RALGAPB: variants seen among roughly 807,000 people sequenced by gnomAD.
The protein encoded by RALGAPB is ral GTPase-activating protein subunit beta.
Under a neutral mutation model 161.1 loss-of-function variants are expected in RALGAPB, and 25 were observed. The ratio of observed to expected loss-of-function variants is 0.16; its 90% CI spans 0.11 to 0.22. The LOEUF (loss-of-function observed/expected upper bound fraction) is 0.22. Among genes scored for constraint, RALGAPB ranks in the 10% least tolerant of loss-of-function variants. The pLI, the probability that RALGAPB is intolerant of heterozygous loss-of-function variation, is 1.00. For synonymous variants in RALGAPB, 629 were observed against 626.1 expected (o/e 1.00, Z -0.07); for missense variants, 1,391 against 1,815.2 (o/e 0.77, Z 4.25).
At position 38,576,084 on chromosome 20, in the gene RALGAPB, T is replaced by C. The variant is rs1367491224; in HGVS notation, c.*1117T>C. 6.6e-6 allele frequency: 1 copy of C among 152,356 alleles called. No homozygotes were observed. The highest frequency in any genetic ancestry group is 1.5e-5 in the Non-Finnish European group (1 of 68,028). The allele number at this position is 152,356 out of a possible 1,614,324, so 9.4% of individuals were successfully genotyped here. A position where few individuals can be genotyped will look rare whatever the true frequency, so the allele number is the denominator to read the frequency against. On this transcript the variant is annotated 3_prime_UTR_variant, in exon 30 of 30. Transcript: ENST00000262879. ...TGCCAGCCAACAGATCCCTGCCAGG[T>C]TTTGGAAATACTTCTATTACCTCGC...
At chr20:38,477,798 C>T (rs1223060360) in intron 1 of RALGAPB, among the ~76,000 whole-genome samples, 1 of 152,130 alleles carries the variant, frequency 6.6e-6, no homozygotes, top group South Asian at 2.1e-4. Flanking sequence ...CAGGTATTCT[C>T]CCTGTTTTAC....
chr20:38,514,805 G>T (rs1436018822), intron 6 of RALGAPB, among the ~76,000 whole-genome samples: 1 of 152,214 alleles, frequency 6.6e-6, no homozygotes, highest in Non-Finnish European at 1.5e-5. Flanking sequence ...GTCTAATCTG[G>T]ATTTTTTAAC....
rs1160341072 is a variant in RALGAPB at position 38,480,373 on chromosome 20, TTTTC to T, written c.-31+7316_-31+7319del. ...AGTTTCCTTTCTTTTATGTATTTTC[TTTTC>T]TTTCTTTCTTTTTTTTTTTTTTTTT... On this transcript the variant is annotated intron_variant, in intron 1 of 29. Transcript: ENST00000262879. 3.4e-3 allele frequency among the ~76,000 whole-genome samples: 427 copies of T among 124,140 alleles called. 4 individuals carry two copies. The highest frequency in any genetic ancestry group is 4.2e-3 in the Middle Eastern group (1 of 240). The allele number at this position is 124,140 out of a possible 152,430, so 81.4% of individuals were successfully genotyped here.
At chr20:38,475,039 A>G (rs759759556) in intron 1 of RALGAPB, among the ~76,000 whole-genome samples, 1 of 152,272 alleles carries the variant, frequency 6.6e-6, no homozygotes, top group Non-Finnish European at 1.5e-5. Flanking sequence ...TACCAATTGC[A>G]AGGCACTCTG....
At position 38,575,389 on chromosome 20, in the gene RALGAPB, A is replaced by C. The variant is rs7275066; in HGVS notation, c.*422A>C. 1.5e-4 allele frequency: 25 copies of C among 171,628 alleles called. No homozygotes were observed. Among genetic ancestry groups the C allele is most frequent in the African/African-American group, 5.8e-4 (24 of 41,698 alleles). The allele number at this position is 171,628 out of a possible 1,614,324, so 10.6% of individuals were successfully genotyped here. A position where few individuals can be genotyped will look rare whatever the true frequency, so the allele number is the denominator to read the frequency against. On this transcript the variant is annotated 3_prime_UTR_variant, in exon 30 of 30. Coordinates refer to ENST00000262879, the MANE Select transcript of RALGAPB (RefSeq NM_020336.4). ...TTCAAAATTAAAATCTCAGAATCTT[A>C]CAGGACATTTAAAGACTCATGTTGA...
intron 21 of RALGAPB, 59 bp from the exon 22 acceptor site, chr20:38,553,808 A>C: frequency 1.2e-6 from 1 of 830,110 alleles, no homozygotes; most frequent in South Asian, 1.6e-5. Context: ...AAAACACTTA[A>C]GATTGGCCTT....
At chr20:38,546,890 G>C (rs2087184769) in intron 19 of RALGAPB, 1 of 156,834 alleles carries the variant, frequency 6.4e-6, no homozygotes. Flanking sequence ...ATCTTCCCAG[G>C]GACCCTTGAA....
At chr20:38,526,290 CCTTT>C (rs1042125310) in intron 13 of RALGAPB, among the ~76,000 whole-genome samples, 6 of 152,056 alleles carry the variant, frequency 3.9e-5, no homozygotes, top group African/African-American at 1.4e-4. Flanking sequence ...TCCCTTCTCT[CCTTT>C]CTCCACTCTT....
In RALGAPB at chr20:38,551,114, G is replaced by A; in HGVS notation, c.3053G>A (p.Gly1018Glu). ...EPRPVPKNDV[G>E]FKYSVKHRPF... ...CGCCCAGTTCCTAAAAATGACGTTG[G>A]ATTTAAATATTCTGTGAAACATCGG... Residue 1018 changes from glycine (G) to glutamate (E), a missense_variant, in exon 21 of 30, where the codon GGA (glycine) becomes GAA (glutamate). Coordinates refer to ENST00000262879, the MANE Select transcript of RALGAPB (RefSeq NM_020336.4). 1 of 1,613,964 alleles carries A rather than the reference G, an allele frequency of 6.2e-7. No individual in the cohort carries two copies.
rs376512385 is a variant in RALGAPB, at chr20:38,492,898, A to G, written c.187-32A>G. 3.0e-5 allele frequency: 46 copies of G among 1,536,266 alleles called. No individual in the cohort carries two copies. In the East Asian group the frequency reaches 3.4e-4, roughly 11 times the overall value. On this transcript the variant is annotated intron_variant, in intron 2 of 29. Coordinates refer to ENST00000262879, the MANE Select transcript of RALGAPB (RefSeq NM_020336.4). ...CAGTCTACTGAGATAGGAACGTGTAATAATTCTATATGGATATTTTCTTTT... is the reference window on the plus strand; with the variant it reads ...CAGTCTACTGAGATAGGAACGTGTAGTAATTCTATATGGATATTTTCTTTT...
chr20:38,498,776 A>T (rs1485296506), intron 4 of RALGAPB, among the ~76,000 whole-genome samples: 1 of 152,246 alleles, frequency 6.6e-6, no homozygotes, highest in Non-Finnish European at 1.5e-5. Context: ...ACAGGGGAAC[A>T]GCCCCATTTT....
chr20:38,503,279 A>G (rs2085649920), intron 5 of RALGAPB, among the ~76,000 whole-genome samples: 1 of 152,210 alleles, frequency 6.6e-6, no homozygotes, highest in Non-Finnish European at 1.5e-5. Flanking sequence ...CAAACATTAT[A>G]CATAGATTTT....
chr20:38,520,677 A>C (rs1169593705), intron 9 of RALGAPB, among the ~76,000 whole-genome samples: 1 of 152,060 alleles, frequency 6.6e-6, no homozygotes, highest in Non-Finnish European at 1.5e-5. Flanking sequence ...AGTTGCATAA[A>C]GATTTATGCT....
chr20:38,541,874 G>T (rs1005617190), intron 18 of RALGAPB, among the ~76,000 whole-genome samples: 1 of 152,168 alleles, frequency 6.6e-6, no homozygotes, highest in African/African-American at 2.4e-5. Context: ...CTGGGAGGAT[G>T]GGTCAAGTTT....
chr20:38,570,830 T>C lies in RALGAPB; in HGVS notation c.4125T>C (p.Asn1375=). The C allele has an allele frequency of 1.9e-6, 3 of 1,606,466 alleles. No individual in the cohort carries two copies. Among genetic ancestry groups the C allele is most frequent in the Middle Eastern group, 3.3e-4 (2 of 6,034 alleles). ...GTACTGGTGTGGAAACTACTGCAAATAGTAGCACTTCACTGAGGTACACTC... is the reference window on the plus strand; with the variant it reads ...GTACTGGTGTGGAAACTACTGCAAACAGTAGCACTTCACTGAGGTACACTC... The part of the protein sequence containing the change: ...EISTGVETTA[N]SSTSLRSTTL... Residue 1375 remains asparagine, a synonymous_variant, in exon 28 of 30, where the codon AAT becomes AAC. Transcript: ENST00000262879.
intron 5 of RALGAPB, chr20:38,499,913 T>G: frequency 4.6e-6 from 1 of 215,102 alleles, no homozygotes. Flanking sequence ...TGCATGATCA[T>G]TAAAATATGC....
intron 9 of RALGAPB, among the ~76,000 whole-genome samples, chr20:38,520,541 T>C (rs2086257407): frequency 6.6e-6 from 1 of 150,614 alleles, no homozygotes; most frequent in Admixed American, 6.6e-5. Context: ...TTTTTTTTTT[T>C]TTTTTAAAGC....
At chr20:38,551,393 C>G (rs111340280) in intron 21 of RALGAPB, among the ~76,000 whole-genome samples, 170 bp downstream of exon 21, 1 of 152,052 alleles carries the variant, frequency 6.6e-6, no homozygotes, top group African/African-American at 2.4e-5. Context: ...TGTGGCTGAT[C>G]GAAAGGAACT....
rs2087168968 is a variant in RALGAPB, at chr20:38,546,504, T to A, written c.2902+74T>A. ...CAGTACCATGAAGCTGTTTCCAGGA[T>A]CAGGGAAGGACAGCCTACAGATTCT... On this transcript the variant is annotated intron_variant, in intron 19 of 29. Transcript: ENST00000262879. The A allele has an allele frequency of 5.1e-6, 8 of 1,583,562 alleles. No individual in the cohort carries two copies. The Admixed American group carries it at 1.3e-4, about 27-fold the overall frequency.
Sources: gnomAD v4.1 joint callset for allele counts (sites outside exome capture counted in the v4.1 genomes callset) on GRCh38, gnomAD v4.1.1 for gene constraint, MANE v1.5 for transcripts, NCBI Gene and HGNC (gene_info 2026-07-23, HGNC 2026-07-21) for gene names.